Variants in UBTD2 observed in about 807,000 individuals in gnomAD.
The protein encoded by UBTD2 is ubiquitin domain containing 2, also known as ubiquitin domain-containing protein 2.
In UBTD2, 9 loss-of-function variants were observed where a neutral mutation model predicts 19.8. The ratio of observed to expected loss-of-function variants is 0.46; its 90% confidence interval spans 0.27 to 0.79. UBTD2 has a LOEUF of 0.79. Ranked by LOEUF, UBTD2 falls within the 30% of genes least tolerant of loss-of-function variation. The pLI, the probability that UBTD2 is intolerant of heterozygous loss-of-function variation, is 0.14. For missense variants in UBTD2, 250 were observed against 300.4 expected, an observed-to-expected ratio of 0.83 and a Z score of 1.24; for synonymous variants, 98 against 103.9, an observed-to-expected ratio of 0.94 and a Z score of 0.35.
At chr5:172,263,238 G>A (rs911825126) in intron 1 of UBTD2, among the ~76,000 whole-genome samples, 3 of 152,102 alleles carry the variant, frequency 2.0e-5, no homozygotes, top group African/African-American at 7.2e-5. Flanking sequence ...GCCTCAACTA[G>A]TATTTTATTA....
intron 1 of UBTD2, among the ~76,000 whole-genome samples, chr5:172,280,903 T>C (rs182792526): frequency 1.2e-4 from 18 of 152,304 alleles, no homozygotes; most frequent in African/African-American, 3.6e-4. Flanking sequence ...ACATAATTAC[T>C]TGCATACATA....
intron 1 of UBTD2, among the ~76,000 whole-genome samples, chr5:172,282,758 A>ATTG (rs1755743453): frequency 1.3e-5 from 2 of 152,178 alleles, no homozygotes; most frequent in African/African-American, 2.4e-5. Context: ...TACAACTACT[A>ATTG]CTGATTGAAT....
chr5:172,255,208 C>T (rs1020913537), intron 1 of UBTD2: 64 of 441,540 alleles, frequency 1.4e-4, no homozygotes, highest in Admixed American at 6.1e-4. Context: ...GTGCAAATTC[C>T]CAGCAGAAGG....
At chr5:172,265,558 T>C (rs1465763833) in intron 1 of UBTD2, among the ~76,000 whole-genome samples, 2 of 152,216 alleles carry the variant, frequency 1.3e-5, no homozygotes, top group African/African-American at 2.4e-5. Context: ...CTCGATCTCC[T>C]GACCTTGTGA....
At chr5:172,274,680 T>C (rs1022445333) in intron 1 of UBTD2, among the ~76,000 whole-genome samples, 1 of 152,214 alleles carries the variant, frequency 6.6e-6, no homozygotes, top group Non-Finnish European at 1.5e-5. Flanking sequence ...TTTTAGGATA[T>C]GAGTAACAAA....
At chr5:172,262,134 AG>A (rs1171762165) in intron 1 of UBTD2, among the ~76,000 whole-genome samples, 1 of 152,174 alleles carries the variant, frequency 6.6e-6, no homozygotes, top group Admixed American at 6.5e-5. Context: ...TCTTCATTAA[AG>A]TCAAAGGGTC....
At chr5:172,271,874 C>T (rs1342807925) in intron 1 of UBTD2, among the ~76,000 whole-genome samples, 3 of 151,864 alleles carry the variant, frequency 2.0e-5, no homozygotes, top group South Asian at 4.2e-4. Flanking sequence ...ACCTAAAAGC[C>T]CACTACAATA....
Position 172,283,760 on chromosome 5 carries a change from C to T in UBTD2, c.-95G>A. On this transcript the variant is annotated 5_prime_UTR_variant, in exon 1 of 3. Transcript: ENST00000393792. This position sits in a 1 kb window ranked among gnomAD's most constrained non-coding sequence, Gnocchi z 4.3. ...CTCCTCCGGCGCCACCGCCGAGCTC[C>T]GGACAGGCGCGCCGCTCCGCTCGCC... The T allele has an allele frequency of 1.1e-6, 1 of 876,744 alleles. No homozygotes were observed. Among genetic ancestry groups the T allele is most frequent in the Non-Finnish European group, 1.4e-6 (1 of 698,954 alleles). 54.3% of individuals were successfully genotyped at this position (876,744 alleles called of 1,614,324 possible).
intron 1 of UBTD2, among the ~76,000 whole-genome samples, chr5:172,237,786 T>A (rs766351512): frequency 2.0e-5 from 3 of 152,236 alleles, no homozygotes; most frequent in Non-Finnish European, 4.4e-5. Context: ...ATGCATGATA[T>A]ACAATAAAAC....
chr5:172,277,487 A>G (rs1466335711), intron 1 of UBTD2, among the ~76,000 whole-genome samples: 1 of 152,118 alleles, frequency 6.6e-6, no homozygotes, highest in Non-Finnish European at 1.5e-5. Flanking sequence ...AGGGAGGATC[A>G]CTTAAGCCCG....
chr5:172,215,788 A>G (rs1771528529), intron 2 of UBTD2, among the ~76,000 whole-genome samples: 1 of 152,370 alleles, frequency 6.6e-6, no homozygotes, highest in South Asian at 2.1e-4. Context: ...AACCACTGTA[A>G]CAGAAATAAA....
intron 1 of UBTD2, among the ~76,000 whole-genome samples, chr5:172,251,899 G>A (rs537151654): frequency 2.0e-5 from 3 of 152,140 alleles, no homozygotes; most frequent in Non-Finnish European, 2.9e-5. Context: ...TGCAAATAAA[G>A]ATGTCGATTA....
chr5:172,251,465 C>CAAAAAAAAAAAAAAAAAAAAAAACAAA, intron 1 of UBTD2, among the ~76,000 whole-genome samples: 1 of 91,948 alleles, frequency 1.1e-5, no homozygotes, highest in South Asian at 3.3e-4. Flanking sequence ...TCAAACTGTC[C>CAAAAAAAAAAAAAAAAAAAAAAACAAA]AAAAAAAAAA....
chr5:172,276,284 C>T (rs973608459), intron 1 of UBTD2, among the ~76,000 whole-genome samples: 2 of 152,098 alleles, frequency 1.3e-5, no homozygotes, highest in African/African-American at 2.4e-5. Context: ...TGATATTTAG[C>T]AGTCAGTACA....
chr5:172,231,020 T>C (rs926226604), intron 2 of UBTD2, among the ~76,000 whole-genome samples: 6 of 152,146 alleles, frequency 3.9e-5, no homozygotes, highest in Non-Finnish European at 8.8e-5. Context: ...CCTGACCTCA[T>C]GATCTGCCCG....
chr5:172,275,190 G>A (rs1203939404), intron 1 of UBTD2, among the ~76,000 whole-genome samples: 1 of 152,192 alleles, frequency 6.6e-6, no homozygotes, highest in Non-Finnish European at 1.5e-5. Context: ...AGGAAGAAGT[G>A]CCGAGCAAAA....
chr5:172,267,825 T>C (rs1180773417), intron 1 of UBTD2, among the ~76,000 whole-genome samples: 1 of 152,252 alleles, frequency 6.6e-6, no homozygotes, highest in African/African-American at 2.4e-5. Flanking sequence ...CTGAATCTAC[T>C]GATTTCATCT....
At chr5:172,222,095 C>T (rs1004546161) in intron 2 of UBTD2, among the ~76,000 whole-genome samples, 3 of 152,164 alleles carry the variant, frequency 2.0e-5, no homozygotes, top group African/African-American at 4.8e-5. Flanking sequence ...TTATGGGTTA[C>T]GCTCTTCCTG....
At chr5:172,246,971 G>T (rs1233811046) in intron 1 of UBTD2, among the ~76,000 whole-genome samples, 2 of 150,994 alleles carry the variant, frequency 1.3e-5, no homozygotes, top group Non-Finnish European at 3.0e-5. Flanking sequence ...GGTCCGGCTG[G>T]TCTCAAACTC....
Sources: gnomAD v4.1 joint callset for allele counts (sites outside exome capture counted in the v4.1 genomes callset) on GRCh38, gnomAD v4.1.1 for gene constraint, Gnocchi (gnomAD v3.1) non-coding constraint, MANE v1.5 for transcripts, NCBI Gene and HGNC (gene_info 2026-07-23, HGNC 2026-07-21) for gene names.